Variants in SPTBN4 observed in about 807,000 individuals in gnomAD.
The protein encoded by SPTBN4 is spectrin beta, non-erythrocytic 4, also known as spectrin beta chain, non-erythrocytic 4.
In SPTBN4, 96 loss-of-function variants were observed where a neutral mutation model predicts 277.8. That is an observed-to-expected ratio of 0.35 (90% CI 0.29 to 0.41). SPTBN4 has a LOEUF of 0.41. Among genes scored for constraint, SPTBN4 ranks in the 10% least tolerant of loss-of-function variants. SPTBN4 has a pLI of 1.00. For missense variants in SPTBN4, 3,006 were observed against 3,595.7 expected (o/e 0.84, Z 4.19); for synonymous variants, 1,481 against 1,580.3 (o/e 0.94, Z 1.49).
chr19:40,526,536 G>A (rs1292973734), intron 17 of SPTBN4, among the ~76,000 whole-genome samples: 1 of 152,034 alleles, frequency 6.6e-6, no homozygotes, highest in African/African-American at 2.4e-5. Context: ...CTTGCCCAGA[G>A]TCATGGCCAG....
At position 40,556,971 on chromosome 19, in the gene SPTBN4, G is replaced by A. The variant is rs983202131; in HGVS notation, c.5290-52G>A. ...TGTAGGCTGGAGGGGGCTGGTGTAT[G>A]CTGCCCCTTTGCTCACTTTGCTGTA... On this transcript the variant is annotated intron_variant, in intron 25 of 35. Coordinates refer to ENST00000598249, the MANE Select transcript of SPTBN4 (RefSeq NM_020971.3). 128 of 1,513,014 alleles carry A rather than the reference G, an allele frequency of 8.5e-5. 1 individual carries two copies. Among genetic ancestry groups the A allele is most frequent in the Non-Finnish European group, 1.0e-4 (114 of 1,127,408 alleles). 93.7% of individuals were successfully genotyped at this position (1,513,014 alleles called of 1,614,324 possible).
intron 1 of SPTBN4, among the ~76,000 whole-genome samples, chr19:40,472,226 G>A (rs1220571002): frequency 6.6e-6 from 1 of 151,466 alleles, no homozygotes; most frequent in African/African-American, 2.4e-5. Context: ...GTATTTTTTT[G>A]TAGAGACAGG....
At chr19:40,500,820 C>T (rs1418623564) in intron 7 of SPTBN4, among the ~76,000 whole-genome samples, 1 of 151,128 alleles carries the variant, frequency 6.6e-6, no homozygotes, top group Non-Finnish European at 1.5e-5. Flanking sequence ...GCACTCCAGC[C>T]TGGGCAATAG....
chr19:40,534,913 G>T (rs542698555), intron 20 of SPTBN4: 2 of 155,736 alleles, frequency 1.3e-5, no homozygotes, highest in South Asian at 1.9e-4. Flanking sequence ...CTTTGTATCT[G>T]CTCCCAGCTT....
rs375002828 is a variant in SPTBN4, at chr19:40,472,727, C to T, written c.106C>T (p.Gln36Ter). ...ESPDRGWERE[Q>*]PAASTAAASL... The stretch of plus-strand genomic sequence containing the variant: ...TCCGGATCGGGGCTGGGAGCGGGAG[C>T]AGCCGGCTGCGTCCACCGCAGCGGC... Residue 36 changes from glutamine (Q) to a stop codon, truncating the protein, a stop_gained, in exon 2 of 36, where the codon CAG (glutamine) becomes TAG (stop). Transcript: ENST00000598249. LOFTEE classifies it high-confidence loss of function. 6.2e-7 allele frequency: 1 copy of T among 1,608,988 alleles called. No homozygotes were observed. Among genetic ancestry groups the T allele is most frequent in the African/African-American group, 1.3e-5 (1 of 74,808 alleles).
At chr19:40,518,915 A>AT (rs1364425566) in intron 15 of SPTBN4, among the ~76,000 whole-genome samples, 24 of 152,184 alleles carry the variant, frequency 1.6e-4, no homozygotes, top group African/African-American at 4.3e-4. Flanking sequence ...TCTTAAAAAA[A>AT]TTTTTTTAAA....
At chr19:40,569,965 C>CACAG (rs1329072009) in intron 32 of SPTBN4, among the ~76,000 whole-genome samples, 2 of 146,980 alleles carry the variant, frequency 1.4e-5, no homozygotes, top group Non-Finnish European at 3.0e-5. Context: ...CACACACACA[C>CACAG]ACACACACAG....
chr19:40,509,470 C>G (rs2080367235), intron 13 of SPTBN4, among the ~76,000 whole-genome samples: 1 of 152,160 alleles, frequency 6.6e-6, no homozygotes, highest in Admixed American at 6.6e-5. Context: ...GTCTCAAACT[C>G]TTGACCTCAG....
rs2080453548 is a variant in SPTBN4 at position 40,515,992 on chromosome 19, CA to C, written c.2903+545del. 6.8e-6 allele frequency among the ~76,000 whole-genome samples: 1 copy of C among 146,924 alleles called. No homozygotes were observed. The highest frequency in any genetic ancestry group is 2.5e-5 in the African/African-American group (1 of 39,926). On this transcript the variant is annotated intron_variant, in intron 15 of 35. Transcript: ENST00000598249. This position sits in a 1 kb window ranked among gnomAD's most constrained non-coding sequence, Gnocchi z 4.1. ...ATATACACATATATACGTATATATA[CA>C]CATATATACGTATATATACACACAT...
chr19:40,567,892 A>G lies in SPTBN4; in HGVS notation c.6566A>G (p.Gln2189Arg). ...VRQELKPERL[Q>R]PRIDRLPEIP... is the part of the protein sequence containing the mutation. ...CAGGAGCTCAAGCCCGAGCGCCTCC[A>G]GCCGCGCATTGACCGGCTGCCGGAG... Residue 2189 changes from glutamine to arginine, a missense_variant, in exon 31 of 36, where the codon CAG becomes CGG. Coordinates refer to ENST00000598249, the MANE Select transcript of SPTBN4 (RefSeq NM_020971.3). 1 of 1,523,700 alleles carries G rather than the reference A, an allele frequency of 6.6e-7. No homozygotes were observed. The highest frequency in any genetic ancestry group is 1.2e-5 in the South Asian group (1 of 81,902). The allele number at this position is 1,523,700 out of a possible 1,614,324, so 94.4% of individuals were successfully genotyped here. A position where few individuals can be genotyped will look rare whatever the true frequency, so the allele number is the denominator to read the frequency against.
chr19:40,549,495 G>A, intron 21 of SPTBN4, 82 bp downstream of exon 21: 1 of 1,157,420 alleles, frequency 8.6e-7, no homozygotes, highest in Non-Finnish European at 1.2e-6. Flanking sequence ...GGCTGAAGAT[G>A]GAGACGGCTG....
chr19:40,556,257 C>T lies in SPTBN4; in HGVS notation c.5258C>T (p.Pro1753Leu). 2 of 1,613,042 alleles carry T rather than the reference C, an allele frequency of 1.2e-6. No individual in the cohort carries two copies. Among genetic ancestry groups the T allele is most frequent in the Non-Finnish European group, 1.7e-6 (2 of 1,179,670 alleles). The change falls in exon 25 of 36, where the codon CCC (proline) becomes CTC (leucine). Residue 1753 changes from proline (P) to leucine (L), a missense_variant. Physicochemically the swap from Pro to Leu is moderately conservative, Grantham distance 98 (BLOSUM62 -3). Coordinates refer to ENST00000598249, the MANE Select transcript of SPTBN4 (RefSeq NM_020971.3). ...IAEKEVVAGS[P>L]ELGQDFEHVS... is the part of the protein sequence containing the mutation. ...GAGAAGGAGGTGGTGGCTGGCTCAC[C>T]CGAGCTCGGCCAGGACTTTGAGCAT...
intron 7 of SPTBN4, among the ~76,000 whole-genome samples, 168 bp downstream of exon 7, chr19:40,497,772 G>T (rs1424734053): frequency 1.3e-5 from 2 of 150,978 alleles, no homozygotes; most frequent in Non-Finnish European, 2.9e-5. Flanking sequence ...CTCCCCTTGT[G>T]CCTCCCCTTC....
intron 18 of SPTBN4, among the ~76,000 whole-genome samples, chr19:40,531,641 G>A (rs1272411485): frequency 6.6e-6 from 1 of 151,454 alleles, no homozygotes; most frequent in Admixed American, 6.6e-5. Flanking sequence ...GAGGGGGTTG[G>A]GGGAGGCTCA....
intron 2 of SPTBN4, among the ~76,000 whole-genome samples, chr19:40,485,390 C>G (rs761145568): frequency 2.0e-5 from 3 of 151,892 alleles, no homozygotes; most frequent in Non-Finnish European, 2.9e-5. Context: ...ATCCACCTAC[C>G]TTGGCCTCCC....
In SPTBN4 at chr19:40,502,534, C is replaced by T. The variant is rs778389191; in HGVS notation, c.1203+27C>T. 24 of 1,585,378 alleles carry T rather than the reference C, an allele frequency of 1.5e-5. No homozygotes were observed. The highest frequency in any genetic ancestry group is 8.0e-5 in the South Asian group (7 of 86,974). On this transcript the variant is annotated intron_variant, in intron 10 of 35. Coordinates refer to ENST00000598249, the MANE Select transcript of SPTBN4 (RefSeq NM_020971.3). This position sits in a 1 kb window ranked among gnomAD's most constrained non-coding sequence, Gnocchi z 4.9. ...TGAGGCCGGGGATGCAGGGGAGAGG[C>T]GGGGTTGCACTGTGGAGTTGTATAG...
chr19:40,562,031 G>A (rs1386498267), intron 27 of SPTBN4, among the ~76,000 whole-genome samples: 1 of 152,052 alleles, frequency 6.6e-6, no homozygotes, highest in Non-Finnish European at 1.5e-5. Flanking sequence ...GAAGTGGGCT[G>A]TAGTTAGGCA....
intron 19 of SPTBN4, 151 bp downstream of exon 19, chr19:40,532,922 G>A: frequency 2.1e-6 from 2 of 970,800 alleles, no homozygotes; most frequent in Non-Finnish European, 2.8e-6. Context: ...CTAGCTATGT[G>A]GCTTTGAGTG....
chr19:40,575,655 GGA>G lies in SPTBN4; in HGVS notation c.*88_*89del, dbSNP rs1280237596. On this transcript the variant is annotated 3_prime_UTR_variant, in exon 36 of 36. Coordinates refer to ENST00000598249, the MANE Select transcript of SPTBN4 (RefSeq NM_020971.3). ...AGACACTTTTTCTTCCGCAGGGGCG[GGA>G]GCCCCTAGTTCCAACACTGAGGACG... The G allele has an allele frequency of 2.1e-6, 3 of 1,448,896 alleles. No individual in the cohort carries two copies. Among genetic ancestry groups the G allele is most frequent in the Non-Finnish European group, 2.7e-6 (3 of 1,091,054 alleles). 89.8% of individuals were successfully genotyped at this position (1,448,896 alleles called of 1,614,324 possible). A position where few individuals can be genotyped will look rare whatever the true frequency, so the allele number is the denominator to read the frequency against.
Sources: gnomAD v4.1 joint callset for allele counts (sites outside exome capture counted in the v4.1 genomes callset) on GRCh38, gnomAD v4.1.1 for gene constraint, Gnocchi (gnomAD v3.1) non-coding constraint, MANE v1.5 for transcripts, NCBI Gene and HGNC (gene_info 2026-07-23, HGNC 2026-07-21) for gene names.